SDC2: variants seen among roughly 807,000 people sequenced by gnomAD.
SDC2 encodes the protein syndecan 2.
A neutral mutation model predicts 22.2 loss-of-function variants in SDC2; 13 were observed. The observed-to-expected ratio is 0.59, with a 90% CI of 0.38 to 0.93. SDC2 has a LOEUF of 0.93. SDC2 is among the 40% of genes least tolerant of loss of function. The probability of loss-of-function intolerance (pLI) is 0.00; values close to 1 mark genes in which losing one functional copy is unlikely to be tolerated. For missense variants in SDC2, 235 were observed against 246.8 expected (o/e 0.95, Z 0.32); for synonymous variants, 94 against 92.8 (o/e 1.01, Z -0.07).
chr8:96,552,400 G>T (rs148445427), intron 1 of SDC2, among the ~76,000 whole-genome samples: 1 of 152,142 alleles, frequency 6.6e-6, no homozygotes, highest in African/African-American at 2.4e-5. Flanking sequence ...GAAGTAAATC[G>T]TGCTGTGTTG....
chr8:96,494,550 T>C (rs1813018565), intron 1 of SDC2, among the ~76,000 whole-genome samples: 1 of 152,086 alleles, frequency 6.6e-6, no homozygotes, highest in South Asian at 2.1e-4. Flanking sequence ...TCCGCGGGAA[T>C]GGGGGCACCG....
intron 1 of SDC2, among the ~76,000 whole-genome samples, chr8:96,576,459 G>A (rs71506312): frequency 4.5e-5 from 3 of 66,168 alleles, no homozygotes; most frequent in African/African-American, 1.0e-4. Context: ...TCGCTCTGTC[G>A]CCCAGGCTGG....
chr8:96,505,748 G>T (rs141929778), intron 1 of SDC2, among the ~76,000 whole-genome samples: 1 of 152,194 alleles, frequency 6.6e-6, no homozygotes, highest in Non-Finnish European at 1.5e-5. Flanking sequence ...TGATTATGCT[G>T]ATTAGTTATT....
At chr8:96,556,853 GA>G (rs1446485832) in intron 1 of SDC2, among the ~76,000 whole-genome samples, 1 of 151,370 alleles carries the variant, frequency 6.6e-6, no homozygotes, top group African/African-American at 2.4e-5. Context: ...CAAAATGAGA[GA>G]AAATTTTTGC....
chr8:96,596,727 C>T (rs949148253), intron 2 of SDC2, among the ~76,000 whole-genome samples: 6 of 152,216 alleles, frequency 3.9e-5, no homozygotes, highest in Middle Eastern at 3.4e-3. Context: ...CAGTGTGCAA[C>T]TAAATTGACG....
At chr8:96,602,947 A>G (rs1467493039) in intron 3 of SDC2, among the ~76,000 whole-genome samples, 2 of 152,172 alleles carry the variant, frequency 1.3e-5, no homozygotes, top group Non-Finnish European at 2.9e-5. Context: ...TAGTCTCACT[A>G]AGTCATTTCT....
chr8:96,537,734 A>T lies in SDC2; in HGVS notation c.60+43403A>T, dbSNP rs1456452324. 2.0e-5 allele frequency among the ~76,000 whole-genome samples: 3 copies of T among 152,222 alleles called. No individual in the cohort carries two copies. In the East Asian group the frequency reaches 5.8e-4, roughly 29 times the overall value. On this transcript the variant is annotated intron_variant, in intron 1 of 4. Transcript: ENST00000302190. ...GTTTATATTTTGTAGGCCCATGAAT[A>T]TGAAGGATAACTTAGATTTTAAAAG...
intron 1 of SDC2, among the ~76,000 whole-genome samples, chr8:96,520,805 G>A (rs1202817198): frequency 6.6e-6 from 1 of 152,166 alleles, no homozygotes; most frequent in African/African-American, 2.4e-5. Context: ...TGCACATCCT[G>A]AGACCTGCAT....
At chr8:96,560,088 T>C (rs757884461) in intron 1 of SDC2, among the ~76,000 whole-genome samples, 1 of 152,168 alleles carries the variant, frequency 6.6e-6, no homozygotes, top group Non-Finnish European at 1.5e-5. Context: ...TTTAGAACTT[T>C]TTCATCACCT....
At chr8:96,552,653 C>T (rs564269325) in intron 1 of SDC2, among the ~76,000 whole-genome samples, 135 of 152,128 alleles carry the variant, frequency 8.9e-4, no homozygotes, top group African/African-American at 3.2e-3. Flanking sequence ...TGGAAGGGGA[C>T]AAAGAAGTTT....
intron 4 of SDC2, 57 bp downstream of exon 4, chr8:96,608,527 T>A: frequency 6.9e-7 from 1 of 1,454,738 alleles, no homozygotes; most frequent in Non-Finnish European, 9.3e-7. Context: ...TCTGTTAGTC[T>A]AAGTGATATT....
intron 1 of SDC2, among the ~76,000 whole-genome samples, chr8:96,579,781 T>C (rs914603293): frequency 2.0e-5 from 3 of 152,240 alleles, no homozygotes; most frequent in Non-Finnish European, 2.9e-5. Flanking sequence ...TGTTGTCTCT[T>C]ACATGAAAGG....
intron 2 of SDC2, among the ~76,000 whole-genome samples, chr8:96,599,238 G>A (rs1183880224): frequency 6.6e-6 from 1 of 152,094 alleles, no homozygotes; most frequent in African/African-American, 2.4e-5. Flanking sequence ...ACTGTGCTTG[G>A]CCCTGTCTTT....
At chr8:96,598,637 A>C (rs1217429362) in intron 2 of SDC2, among the ~76,000 whole-genome samples, 1 of 150,918 alleles carries the variant, frequency 6.6e-6, no homozygotes, top group Non-Finnish European at 1.5e-5. Flanking sequence ...AATAAATAAC[A>C]AAAAAAAATA....
At chr8:96,555,022 C>T (rs1357898757) in intron 1 of SDC2, among the ~76,000 whole-genome samples, 4 of 152,050 alleles carry the variant, frequency 2.6e-5, no homozygotes, top group Admixed American at 6.6e-5. Context: ...TCCACGTCAG[C>T]GCTTCCTCCC....
intron 1 of SDC2, among the ~76,000 whole-genome samples, chr8:96,521,194 C>T (rs574289449): frequency 5.3e-5 from 8 of 152,266 alleles, no homozygotes; most frequent in Admixed American, 2.6e-4. Flanking sequence ...TTGAAAACTG[C>T]GCTGAGAGGA....
intron 1 of SDC2, among the ~76,000 whole-genome samples, chr8:96,581,874 A>G (rs770765028): frequency 1.3e-5 from 2 of 152,210 alleles, no homozygotes; most frequent in Non-Finnish European, 2.9e-5. Flanking sequence ...CTTATTGGGC[A>G]AGAACCTGAA....
At chr8:96,609,122 A>G (rs2651455) in intron 4 of SDC2, among the ~76,000 whole-genome samples, 5,567 of 152,284 alleles carry the variant, frequency 0.037, 335 homozygotes, top group African/African-American at 0.12. Flanking sequence ...CAAGTATGGA[A>G]TTAGTTAAGA....
At chr8:96,559,994 T>G (rs1814181820) in intron 1 of SDC2, among the ~76,000 whole-genome samples, 9 of 152,216 alleles carry the variant, frequency 5.9e-5, no homozygotes, top group Admixed American at 5.9e-4. Context: ...AAATGTAATT[T>G]ACATACCATT....
Sources: allele counts gnomAD v4.1 joint callset (sites outside exome capture counted in the v4.1 genomes callset), GRCh38; gene constraint gnomAD v4.1.1; transcripts MANE v1.5; gene names NCBI Gene and HGNC (gene_info 2026-07-23, HGNC 2026-07-21).